Variants in CFDP1 observed in about 807,000 individuals in gnomAD.
The protein encoded by CFDP1 is chromatin remodeling protein CFDP1.
Under a neutral mutation model 40.1 loss-of-function variants are expected in CFDP1, and 31 were observed. The ratio of observed to expected loss-of-function variants is 0.77; its 90% CI spans 0.58 to 1.04. The LOEUF is 1.04. CFDP1 is among the 50% of genes least tolerant of loss of function. The pLI is 0.00. For missense variants in CFDP1, 423 were observed against 343.4 expected (o/e 1.23, Z -1.83); for synonymous variants, 167 against 120.0 (o/e 1.39, Z -2.56).
chr16:75,342,626 T>C (rs887867955), intron 5 of CFDP1, among the ~76,000 whole-genome samples: 2 of 152,132 alleles, frequency 1.3e-5, no homozygotes, highest in Admixed American at 6.6e-5. Flanking sequence ...TCTATCTGCA[T>C]ACTACAGCGG....
intron 5 of CFDP1, among the ~76,000 whole-genome samples, chr16:75,390,154 C>A (rs1411248782): frequency 6.6e-6 from 1 of 152,170 alleles, no homozygotes; most frequent in Non-Finnish European, 1.5e-5. Context: ...AAAAATATTT[C>A]ACTTGTATAG....
At chr16:75,366,254 C>T (rs2078712856) in intron 5 of CFDP1, among the ~76,000 whole-genome samples, 1 of 151,208 alleles carries the variant, frequency 6.6e-6, no homozygotes, top group South Asian at 2.1e-4. Flanking sequence ...TGTTTTCTGG[C>T]AGTTGTCCAG....
chr16:75,383,944 A>G (rs2151551666), intron 5 of CFDP1, among the ~76,000 whole-genome samples: 1 of 152,136 alleles, frequency 6.6e-6, no homozygotes, highest in South Asian at 2.1e-4. Flanking sequence ...TGATAATTTG[A>G]TACAATATGG....
At chr16:75,331,115 CA>C (rs1330366519) in intron 5 of CFDP1, among the ~76,000 whole-genome samples, 1 of 152,166 alleles carries the variant, frequency 6.6e-6, no homozygotes, top group East Asian at 1.9e-4. Context: ...CAGTGGGGGC[CA>C]AATGCAGTTT....
In CFDP1 at chr16:75,412,611, T is replaced by G. The variant is rs756812151; in HGVS notation, c.326A>C (p.Lys109Thr). The change falls in exon 3 of 7, where the codon AAG (lysine) becomes ACG (threonine). Residue 109 changes from lysine to threonine, a missense_variant. By Grantham distance (78) the Lys-to-Thr change is moderately conservative. Transcript: ENST00000283882. ...GAAGCTGGCCCAGAGTTCGTCCTCC[T>G]TCTTTTTCCTGGCATCCTCTGATCC... Reference protein sequence around the residue: ...GIGSEDARKKKEDELWASFLN... With the variant: ...GIGSEDARKKTEDELWASFLN... The G allele has an allele frequency of 8.1e-6, 13 of 1,614,100 alleles. No homozygotes were observed. Among genetic ancestry groups the G allele is most frequent in the Non-Finnish European group, 1.1e-5 (13 of 1,179,942 alleles).
At chr16:75,407,028 TAAAC>T (rs1345194001) in intron 4 of CFDP1, among the ~76,000 whole-genome samples, 1 of 151,998 alleles carries the variant, frequency 6.6e-6, no homozygotes, top group Non-Finnish European at 1.5e-5. Flanking sequence ...AATAAACAAA[TAAAC>T]AAGCAAACAA....
chr16:75,335,496 A>G (rs528220350), intron 5 of CFDP1, among the ~76,000 whole-genome samples: 23 of 151,422 alleles, frequency 1.5e-4, no homozygotes, highest in Non-Finnish European at 2.6e-4. Context: ...CAGTTCACAG[A>G]CTATCTCCCC....
In CFDP1 at chr16:75,347,705, C is replaced by A. The variant is rs572815209; in HGVS notation, c.651-42523G>T. Among the ~76,000 whole-genome samples the A allele has an allele frequency of 6.9e-3, 1,053 of 152,200 alleles. 9 individuals carry two copies. Among genetic ancestry groups the A allele is most frequent in the African/African-American group, 0.024 (992 of 41,536 alleles). On this transcript the variant is annotated intron_variant, in intron 5 of 6. Coordinates refer to ENST00000283882, the MANE Select transcript of CFDP1 (RefSeq NM_006324.3). ...AAAAAAAAGGAAGAACAAAGCAATACAAAACCATAAATTTAAAGGGAAAAC... is the reference window on the plus strand; with the variant it reads ...AAAAAAAAGGAAGAACAAAGCAATAAAAAACCATAAATTTAAAGGGAAAAC...
At chr16:75,386,930 T>C (rs949884417) in intron 5 of CFDP1, among the ~76,000 whole-genome samples, 7 of 152,244 alleles carry the variant, frequency 4.6e-5, no homozygotes, top group Non-Finnish European at 7.3e-5. Flanking sequence ...TTGCCTTTAA[T>C]AGATTGAAAA....
At chr16:75,394,753 T>G (rs1283182211) in intron 5 of CFDP1, 1 of 149,768 alleles carries the variant, frequency 6.7e-6, no homozygotes, top group Non-Finnish European at 1.4e-5. Flanking sequence ...AGCCTCAACC[T>G]TCTGGGCTCA....
chr16:75,372,384 G>C (rs1001986403), intron 5 of CFDP1: 1 of 152,156 alleles, frequency 6.6e-6, no homozygotes, highest in Non-Finnish European at 1.5e-5. Context: ...TCAAGACTCT[G>C]GCCAGGAGTG....
chr16:75,429,228 A>C (rs2079380848), intron 1 of CFDP1, among the ~76,000 whole-genome samples: 1 of 152,238 alleles, frequency 6.6e-6, no homozygotes, highest in African/African-American at 2.4e-5. Context: ...TATTAATAGC[A>C]ACATGGGAAT....
At chr16:75,328,144 A>AT (rs1262815642) in intron 5 of CFDP1, among the ~76,000 whole-genome samples, 3,313 of 127,642 alleles carry the variant, frequency 0.026, 89 homozygotes, top group African/African-American at 0.058. Context: ...TTGGTACTTG[A>AT]TTTTTTTTTT....
intron 4 of CFDP1, among the ~76,000 whole-genome samples, chr16:75,402,750 A>G (rs530753262): frequency 1.3e-5 from 2 of 152,306 alleles, no homozygotes; most frequent in African/African-American, 2.4e-5. Flanking sequence ...TTATCAATGA[A>G]AATTCAGATC....
chr16:75,297,146 T>TG (rs1491503380), intron 6 of CFDP1, among the ~76,000 whole-genome samples: 5,134 of 132,968 alleles, frequency 0.039, 341 homozygotes, highest in Middle Eastern at 0.052. Context: ...TTCCCATTTC[T>TG]TGTGTGTGTG....
At chr16:75,431,316 T>G (rs1015057838) in intron 1 of CFDP1, among the ~76,000 whole-genome samples, 1 of 151,584 alleles carries the variant, frequency 6.6e-6, no homozygotes, top group Admixed American at 6.6e-5. Context: ...CATTCGGGTG[T>G]GCTGGCGGGG....
intron 5 of CFDP1, among the ~76,000 whole-genome samples, chr16:75,389,943 T>A (rs2078933576): frequency 6.6e-6 from 1 of 152,222 alleles, no homozygotes; most frequent in Non-Finnish European, 1.5e-5. Context: ...TGAAAGTCAT[T>A]CTGGATCTAC....
chr16:75,307,051 G>T (rs974745556), intron 5 of CFDP1, among the ~76,000 whole-genome samples: 4 of 151,868 alleles, frequency 2.6e-5, no homozygotes, highest in African/African-American at 9.7e-5. Flanking sequence ...CTGGATAATT[G>T]AACAGCCTCT....
At chr16:75,340,676 TAAGA>T (rs1251199505) in intron 5 of CFDP1, among the ~76,000 whole-genome samples, 2 of 152,222 alleles carry the variant, frequency 1.3e-5, no homozygotes, top group Non-Finnish European at 2.9e-5. Context: ...TTAAGAAACT[TAAGA>T]AAGAGAAGCC....
Sources: gnomAD v4.1 joint callset for allele counts (sites outside exome capture counted in the v4.1 genomes callset) on GRCh38, gnomAD v4.1.1 for gene constraint, MANE v1.5 for transcripts, NCBI Gene and HGNC (gene_info 2026-07-23, HGNC 2026-07-21) for gene names.